The following ABCA13 variants were observed in gnomAD, a reference collection of about 807,000 sequenced individuals.
ABCA13 encodes ATP-binding cassette sub-family A member 13.
Under a neutral mutation model 478.7 loss-of-function variants are expected in ABCA13, and 476 were observed. That is an observed-to-expected ratio of 0.99 (90% CI 0.92 to 1.07). The LOEUF is 1.07. Ranked by LOEUF, ABCA13 falls within the 50% of genes least tolerant of loss-of-function variation. The pLI is 0.00. For missense variants in ABCA13, 6,060 were observed against 5,910.6 expected, an observed-to-expected ratio of 1.03 and a Z score of -0.83; for synonymous variants, 2,252 against 2,158.9, an observed-to-expected ratio of 1.04 and a Z score of -1.20.
At chr7:48,464,721 T>C (rs2130093046) in intron 43 of ABCA13, among the ~76,000 whole-genome samples, 1 of 148,100 alleles carries the variant, frequency 6.8e-6, no homozygotes, top group Admixed American at 6.8e-5. Flanking sequence ...AGTGCATTGT[T>C]AACATATCAC....
At chr7:48,450,801 C>T (rs1467841037) in intron 42 of ABCA13, among the ~76,000 whole-genome samples, 2 of 151,962 alleles carry the variant, frequency 1.3e-5, no homozygotes, top group East Asian at 3.9e-4. Context: ...TGTATAATTT[C>T]ATCTTAAATT....
At chr7:48,309,756 C>T (rs1801475052) in intron 23 of ABCA13, among the ~76,000 whole-genome samples, 191 bp from the exon 24 acceptor site, 1 of 152,156 alleles carries the variant, frequency 6.6e-6, no homozygotes, top group African/African-American at 2.4e-5. Flanking sequence ...ATGATGTGCG[C>T]ACTTCAGAAA....
At chr7:48,508,125 G>A in intron 50 of ABCA13, 76 bp downstream of exon 50, 2 of 1,585,290 alleles carry the variant, frequency 1.3e-6, no homozygotes. Context: ...GGATGGAGGG[G>A]GGCATTGGGG....
At chr7:48,241,776 G>C (rs1019146379) in intron 10 of ABCA13, among the ~76,000 whole-genome samples, 2 of 152,200 alleles carry the variant, frequency 1.3e-5, no homozygotes, top group Non-Finnish European at 2.9e-5. Flanking sequence ...GACAGAATTG[G>C]ATAGGACCAT....
intron 42 of ABCA13, among the ~76,000 whole-genome samples, chr7:48,429,023 A>G (rs1821792084): frequency 6.6e-6 from 1 of 152,198 alleles, no homozygotes; most frequent in Non-Finnish European, 1.5e-5. Context: ...TGGACATTTT[A>G]TATACATGGA....
At chr7:48,333,629 C>T (rs1353686654) in intron 27 of ABCA13, among the ~76,000 whole-genome samples, 1 of 152,120 alleles carries the variant, frequency 6.6e-6, no homozygotes, top group African/African-American at 2.4e-5. Flanking sequence ...GATCTTGGCC[C>T]ACTTTGTGTG....
chr7:48,273,913 A>C lies in ABCA13; in HGVS notation c.4247A>C (p.His1416Pro). The change falls in exon 17 of 62, where the codon CAT (histidine) becomes CCT (proline). Residue 1416 changes from histidine (H) to proline (P), a missense_variant. By Grantham distance (77) the His-to-Pro change is moderately conservative. Around this residue, in one of 3 missense-constraint regions of ABCA13, gnomAD observed 4,423 missense variants for 4,309.1 expected, o/e 1.03. Transcript: ENST00000435803. ...TCTAACTCCAGTTTTTCACAAGGTC[A>C]TCTTCAAAATATTTTGGGGAATTTC... Reference protein sequence around the residue: ...LLSNSSFSQGHLQNILGNFRD... With the variant: ...LLSNSSFSQGPLQNILGNFRD... The C allele has an allele frequency of 6.2e-7, 1 of 1,612,266 alleles. No homozygotes were observed. Among genetic ancestry groups the C allele is most frequent in the African/African-American group, 1.3e-5 (1 of 74,944 alleles).
intron 18 of ABCA13, among the ~76,000 whole-genome samples, chr7:48,281,062 C>A (rs1584606145): frequency 6.6e-6 from 1 of 152,130 alleles, no homozygotes; most frequent in African/African-American, 2.4e-5. Context: ...CAACATTTAC[C>A]TTTGCATTTC....
intron 47 of ABCA13, among the ~76,000 whole-genome samples, chr7:48,488,549 AG>A (rs1829555564): frequency 6.6e-6 from 1 of 152,228 alleles, no homozygotes; most frequent in African/African-American, 2.4e-5. Flanking sequence ...TGAGCTGTTC[AG>A]TCAATTGAAT....
At chr7:48,556,027 T>A (rs991860813) in intron 55 of ABCA13, among the ~76,000 whole-genome samples, 2 of 151,716 alleles carry the variant, frequency 1.3e-5, no homozygotes, top group East Asian at 1.9e-4. Context: ...TTTAAATAAA[T>A]TTTTCAATTT....
Position 48,481,155 on chromosome 7 carries a change from G to A in ABCA13, c.13094+1G>A, listed in dbSNP as rs1400522364. The A allele has an allele frequency of 3.8e-6, 6 of 1,567,280 alleles. No homozygotes were observed. The highest frequency in any genetic ancestry group is 4.3e-6 in the Non-Finnish European group (5 of 1,151,686). On this transcript the variant is annotated splice_donor_variant, in intron 46 of 61. Coordinates refer to ENST00000435803, the MANE Select transcript of ABCA13 (RefSeq NM_152701.5). LOFTEE classifies it high-confidence loss of function. ...TGCTGGCACCATCTGAAAAACCAAG[G>A]TGTGTTCAATACTCTTGTTGGGTCT...
At chr7:48,487,959 T>C (rs527764676) in intron 47 of ABCA13, among the ~76,000 whole-genome samples, 57 of 152,338 alleles carry the variant, frequency 3.7e-4, no homozygotes, top group African/African-American at 1.2e-3. Flanking sequence ...GAATTGTGTC[T>C]ATGTTGCTGT....
chr7:48,327,437 G>T (rs1804511814), intron 27 of ABCA13, among the ~76,000 whole-genome samples: 1 of 152,116 alleles, frequency 6.6e-6, no homozygotes, highest in Admixed American at 6.5e-5. Flanking sequence ...GATTTGGGTG[G>T]GGATTATGGG....
intron 58 of ABCA13, among the ~76,000 whole-genome samples, chr7:48,610,611 G>A (rs1330468592): frequency 1.3e-5 from 2 of 152,190 alleles, no homozygotes; most frequent in African/African-American, 4.8e-5. Flanking sequence ...GGTTTTCCAC[G>A]AGAGCCACGT....
Position 48,644,525 on chromosome 7 carries a change from T to C in ABCA13, c.14944-92T>C, listed in dbSNP as rs1425259320. 3 of 1,360,664 alleles carry C rather than the reference T, an allele frequency of 2.2e-6. No homozygotes were observed. In the Admixed American group the frequency reaches 7.8e-5, roughly 36 times the overall value. 84.3% of individuals were successfully genotyped at this position (1,360,664 alleles called of 1,614,324 possible). ...TAAGTGTAGGTTGAGAAAACGTAAC[T>C]GAATTTTTTTGCCAATTAAATGTAG... On this transcript the variant is annotated intron_variant, in intron 60 of 61. Transcript: ENST00000435803.
intron 50 of ABCA13, 143 bp downstream of exon 50, chr7:48,508,192 C>A (rs958143169): frequency 1.5e-5 from 15 of 975,078 alleles, no homozygotes; most frequent in African/African-American, 3.2e-5. Flanking sequence ...AAGAGCATTT[C>A]AGATTAAGTC....
At chr7:48,506,178 A>G (rs1315754882) in intron 48 of ABCA13, among the ~76,000 whole-genome samples, 158 bp from the exon 49 acceptor site, 1 of 152,208 alleles carries the variant, frequency 6.6e-6, no homozygotes, top group African/African-American at 2.4e-5. Flanking sequence ...GAATTTCACA[A>G]TGGAATTTGC....
intron 1 of ABCA13, among the ~76,000 whole-genome samples, chr7:48,184,776 C>A (rs1796147921): frequency 6.6e-6 from 1 of 152,158 alleles, no homozygotes; most frequent in Non-Finnish European, 1.5e-5. Context: ...GCTGAGATTG[C>A]ACCACTGCAC....
chr7:48,450,692 C>G (rs1824885636), intron 42 of ABCA13, among the ~76,000 whole-genome samples: 1 of 151,998 alleles, frequency 6.6e-6, no homozygotes, highest in Non-Finnish European at 1.5e-5. Flanking sequence ...TTTTAACCCT[C>G]CCTCATTTTT....
Sources: allele counts gnomAD v4.1 joint callset (sites outside exome capture counted in the v4.1 genomes callset), GRCh38; gene constraint gnomAD v4.1.1; regional missense constraint gnomAD v4.1.1; transcripts MANE v1.5; gene names NCBI Gene and HGNC (gene_info 2026-07-23, HGNC 2026-07-21).